Variants in DDX31 observed in about 807,000 individuals in gnomAD.
DDX31 encodes the protein ATP-dependent DNA helicase DDX31.
In DDX31, 70 loss-of-function variants were observed where a neutral mutation model predicts 91.3. That is an observed-to-expected ratio of 0.77 (90% CI 0.63 to 0.94). The LOEUF is 0.94. Among genes scored for constraint, DDX31 ranks in the 40% least tolerant of loss-of-function variants. DDX31 has a pLI of 0.00. For missense variants in DDX31, 902 were observed against 925.0 expected, an observed-to-expected ratio of 0.98 and a Z score of 0.32; for synonymous variants, 362 against 350.6, an observed-to-expected ratio of 1.03 and a Z score of -0.36.
intron 19 of DDX31, among the ~76,000 whole-genome samples, chr9:132,599,151 A>G (rs951642675): frequency 6.6e-6 from 1 of 152,244 alleles, no homozygotes; most frequent in Admixed American, 6.5e-5. Context: ...AACCGACTAC[A>G]TGACATAGGC....
At chr9:132,622,418 A>G (rs1304441706) in intron 17 of DDX31, among the ~76,000 whole-genome samples, 3 of 152,120 alleles carry the variant, frequency 2.0e-5, no homozygotes, top group African/African-American at 7.2e-5. Context: ...CTACCAAAAA[A>G]AAACGACTGT....
chr9:132,625,321 C>A (rs1832327558), intron 17 of DDX31, among the ~76,000 whole-genome samples: 1 of 152,122 alleles, frequency 6.6e-6, no homozygotes, highest in South Asian at 2.1e-4. Flanking sequence ...GTCTAGGCAG[C>A]CGTCCTTGCT....
At chr9:132,610,779 G>A (rs934786841) in intron 19 of DDX31, among the ~76,000 whole-genome samples, 3 of 152,060 alleles carry the variant, frequency 2.0e-5, no homozygotes, top group Admixed American at 6.6e-5. Flanking sequence ...AGACAATCTC[G>A]TGAAGTAACT....
At chr9:132,632,137 T>C (rs1171050507) in intron 14 of DDX31, 46 bp from the exon 15 acceptor site, 1 of 1,571,398 alleles carries the variant, frequency 6.4e-7, no homozygotes, top group South Asian at 1.1e-5. Context: ...TTTCTGAACC[T>C]TTCTGGGGTC....
chr9:132,655,125 C>T (rs1246741114), intron 6 of DDX31, among the ~76,000 whole-genome samples: 1 of 152,060 alleles, frequency 6.6e-6, no homozygotes, highest in African/African-American at 2.4e-5. Flanking sequence ...AGAAATTTCT[C>T]CTATAGACCA....
chr9:132,633,225 C>T (rs926497350), intron 14 of DDX31, among the ~76,000 whole-genome samples: 1 of 152,102 alleles, frequency 6.6e-6, no homozygotes, highest in South Asian at 2.1e-4. Flanking sequence ...TATATTATAC[C>T]GCATTCCACC....
chr9:132,669,534 T>G, intron 1 of DDX31: 1 of 1,403,554 alleles, frequency 7.1e-7, no homozygotes, highest in Non-Finnish European at 9.4e-7. Context: ...AAGTTAAGCT[T>G]TGGCCTGGGA....
At chr9:132,609,176 C>T (rs573210704) in intron 19 of DDX31, among the ~76,000 whole-genome samples, 6 of 152,154 alleles carry the variant, frequency 3.9e-5, no homozygotes, top group Non-Finnish European at 5.9e-5. Flanking sequence ...TTGTCACGGG[C>T]GGAGTAATCC....
chr9:132,658,153 G>C, intron 6 of DDX31: 1 of 607,922 alleles, frequency 1.6e-6, no homozygotes, highest in East Asian at 2.7e-5. Context: ...TACTGTGGAA[G>C]ACACAGATGC....
intron 19 of DDX31, among the ~76,000 whole-genome samples, chr9:132,607,860 A>T (rs541108385): frequency 6.6e-6 from 1 of 152,190 alleles, no homozygotes; most frequent in African/African-American, 2.4e-5. Context: ...CATCGTTTCT[A>T]TATTATTGAG....
intron 1 of DDX31, chr9:132,663,259 C>A (rs1450124208): frequency 7.8e-7 from 1 of 1,289,212 alleles, no homozygotes; most frequent in South Asian, 1.2e-5. Context: ...TCATTCTCTC[C>A]TCTCAAGCTG....
chr9:132,653,972 A>G (rs1487200849), intron 6 of DDX31, among the ~76,000 whole-genome samples: 1 of 152,210 alleles, frequency 6.6e-6, no homozygotes, highest in Non-Finnish European at 1.5e-5. Flanking sequence ...TAAAGTTGAG[A>G]ATAGAATCAA....
intron 17 of DDX31, among the ~76,000 whole-genome samples, chr9:132,620,468 G>A (rs1312185221): frequency 6.1e-5 from 9 of 148,432 alleles, no homozygotes; most frequent in African/African-American, 2.2e-4. Context: ...GTATACAAGC[G>A]AAATACGTAG....
intron 6 of DDX31, among the ~76,000 whole-genome samples, chr9:132,653,885 C>T (rs975157117): frequency 1.3e-5 from 2 of 150,840 alleles, no homozygotes; most frequent in African/African-American, 4.9e-5. Flanking sequence ...TGAAAAACAT[C>T]AGATGTTAAA....
chr9:132,652,089 T>TA (rs1309404614), intron 7 of DDX31, among the ~76,000 whole-genome samples: 4 of 151,940 alleles, frequency 2.6e-5, no homozygotes, highest in African/African-American at 7.3e-5. Context: ...AGTAGCTTCT[T>TA]AAAAAAAATA....
At chr9:132,609,697 C>G (rs1445119958) in intron 19 of DDX31, among the ~76,000 whole-genome samples, 4 of 152,126 alleles carry the variant, frequency 2.6e-5, no homozygotes, top group African/African-American at 9.7e-5. Flanking sequence ...TCTCGGCTCA[C>G]CGCAACCTCT....
intron 19 of DDX31, among the ~76,000 whole-genome samples, chr9:132,604,269 G>A (rs1830883614): frequency 6.6e-6 from 1 of 152,206 alleles, no homozygotes; most frequent in African/African-American, 2.4e-5. Flanking sequence ...CCACTCAGAA[G>A]AAACGCAGTC....
At position 132,642,850 on chromosome 9, in the gene DDX31, G is replaced by A. The variant is rs184127918; in HGVS notation, c.1381-787C>T. 8.5e-3 allele frequency among the ~76,000 whole-genome samples: 1,087 copies of A among 127,910 alleles called. 54 individuals are homozygous for A. Among genetic ancestry groups the A allele is most frequent in the Admixed American group, 0.075 (968 of 12,898 alleles). 83.9% of individuals were successfully genotyped at this position (127,910 alleles called of 152,430 possible). A position where few individuals can be genotyped will look rare whatever the true frequency, so the allele number is the denominator to read the frequency against. On this transcript the variant is annotated intron_variant, in intron 13 of 19. Coordinates refer to ENST00000372159, the MANE Select transcript of DDX31 (RefSeq NM_022779.9). Reference sequence around the variant, plus strand: ...TTGTCTCTGATTTTTTTTTTTTTTTGAGACAGGGTCTCATTTTGTCACCCA... The same window carrying A: ...TTGTCTCTGATTTTTTTTTTTTTTTAAGACAGGGTCTCATTTTGTCACCCA...
intron 16 of DDX31, among the ~76,000 whole-genome samples, chr9:132,627,685 T>A (rs1832478826): frequency 6.6e-6 from 1 of 152,236 alleles, no homozygotes; most frequent in Non-Finnish European, 1.5e-5. Flanking sequence ...GTTCTGAGCA[T>A]CTAGACAGAG....
Sources: gnomAD v4.1 joint callset for allele counts (sites outside exome capture counted in the v4.1 genomes callset) on GRCh38, gnomAD v4.1.1 for gene constraint, MANE v1.5 for transcripts, NCBI Gene and HGNC (gene_info 2026-07-23, HGNC 2026-07-21) for gene names.